SOX6: variants seen among roughly 807,000 people sequenced by gnomAD.
The protein encoded by SOX6 is SRY-box transcription factor 6.
Under a neutral mutation model 97.8 loss-of-function variants are expected in SOX6, and 11 were observed. That is an observed-to-expected ratio of 0.11 (90% CI 0.07 to 0.19). The LOEUF (loss-of-function observed/expected upper bound fraction) is 0.19. SOX6 is among the 10% of genes least tolerant of loss of function. The pLI is 1.00. For synonymous variants in SOX6, 360 were observed against 371.4 expected, an observed-to-expected ratio of 0.97 and a Z score of 0.35; for missense variants, 810 against 1,039.5, an observed-to-expected ratio of 0.78 and a Z score of 3.04.
chr11:16,410,984 G>GA (rs201866562), intron 1 of SOX6, among the ~76,000 whole-genome samples: 2,413 of 130,050 alleles, frequency 0.019, 53 homozygotes, highest in African/African-American at 0.06. Flanking sequence ...GTGAGTGACT[G>GA]AAAAAAAAAA....
intron 6 of SOX6, among the ~76,000 whole-genome samples, chr11:16,174,407 C>T (rs1851126714): frequency 6.6e-6 from 1 of 151,886 alleles, no homozygotes; most frequent in Non-Finnish European, 1.5e-5. Context: ...AATTCAGCTT[C>T]TTACAGGAGA....
intron 1 of SOX6, among the ~76,000 whole-genome samples, chr11:16,426,680 C>T (rs539721075): frequency 5.3e-5 from 8 of 151,756 alleles, no homozygotes; most frequent in East Asian, 1.9e-4. Flanking sequence ...TTTGGGAGGC[C>T]GAGGCGGGCG....
chr11:16,145,888 G>T (rs1850279422), intron 6 of SOX6, among the ~76,000 whole-genome samples: 1 of 152,140 alleles, frequency 6.6e-6, no homozygotes. Context: ...CACGCTCATG[G>T]GTAGGAAGAA....
intron 13 of SOX6, among the ~76,000 whole-genome samples, chr11:16,005,096 T>C (rs1854508314): frequency 6.6e-6 from 1 of 151,962 alleles, no homozygotes; most frequent in African/African-American, 2.4e-5. Flanking sequence ...TAGGAGGTGC[T>C]TAACTCATAT....
At chr11:16,327,406 T>G (rs1565093853) in intron 2 of SOX6, among the ~76,000 whole-genome samples, 1 of 152,080 alleles carries the variant, frequency 6.6e-6, no homozygotes, top group Non-Finnish European at 1.5e-5. Context: ...ACCTTTTAAG[T>G]TTTTATTCAT....
chr11:16,722,729 C>T (rs1848276867), intron 2 of SOX6, among the ~76,000 whole-genome samples: 1 of 151,926 alleles, frequency 6.6e-6, no homozygotes, highest in Non-Finnish European at 1.5e-5. Flanking sequence ...ATGGAAAAAA[C>T]CTCAATGTCA....
At chr11:16,123,478 T>C (rs1191674586) in intron 6 of SOX6, among the ~76,000 whole-genome samples, 1 of 151,926 alleles carries the variant, frequency 6.6e-6, no homozygotes, top group African/African-American at 2.4e-5. Context: ...GGCAGGGAGA[T>C]AAAGTAAGGC....
chr11:16,683,348 T>C (rs1440325899), intron 3 of SOX6, among the ~76,000 whole-genome samples: 6 of 152,074 alleles, frequency 3.9e-5, no homozygotes, highest in African/African-American at 1.4e-4. Flanking sequence ...TACAAGGCTA[T>C]AGTAACCAAA....
At chr11:16,076,464 T>C (rs1018899867) in intron 9 of SOX6, among the ~76,000 whole-genome samples, 2 of 151,284 alleles carry the variant, frequency 1.3e-5, no homozygotes, top group Admixed American at 6.6e-5. Flanking sequence ...TAGACACTTT[T>C]CAAAAGAAGA....
chr11:16,110,929 A>G (rs1400047787), intron 7 of SOX6, among the ~76,000 whole-genome samples: 1 of 152,232 alleles, frequency 6.6e-6, no homozygotes, highest in Non-Finnish European at 1.5e-5. Context: ...CTCAGATTTG[A>G]TGGTAAATAT....
chr11:16,433,010 T>C (rs1859299213), intron 1 of SOX6, among the ~76,000 whole-genome samples: 1 of 152,030 alleles, frequency 6.6e-6, no homozygotes. Context: ...GCTACATGAT[T>C]TCTGCTTTGG....
chr11:16,158,249 G>A (rs1850652741), intron 6 of SOX6, among the ~76,000 whole-genome samples: 1 of 151,734 alleles, frequency 6.6e-6, no homozygotes, highest in Non-Finnish European at 1.5e-5. Flanking sequence ...TCCCCCCTTA[G>A]TTCCTTCCAA....
At chr11:16,719,063 A>T (rs1848240102) in intron 2 of SOX6, among the ~76,000 whole-genome samples, 1 of 152,112 alleles carries the variant, frequency 6.6e-6, no homozygotes, top group African/African-American at 2.4e-5. Flanking sequence ...CAAGTACATA[A>T]TTTTAAAATG....
intron 6 of SOX6, among the ~76,000 whole-genome samples, chr11:16,132,454 AAG>A (rs1335969547): frequency 2.3e-5 from 3 of 129,384 alleles, no homozygotes; most frequent in African/African-American, 8.7e-5. Flanking sequence ...AAAAGAAAGA[AAG>A]AAAGAAAGAA....
rs554519710 is a variant in SOX6, at chr11:16,709,681, A to T, written n.429+5149T>A. Reference sequence around the variant, plus strand: ...CAACCTGCAGAACTGTGAGCCAATTAAACCTCTTTTCTTTATAAATTTCCC... The same window carrying T: ...CAACCTGCAGAACTGTGAGCCAATTTAACCTCTTTTCTTTATAAATTTCCC... On this transcript the variant is annotated intron_variant and non_coding_transcript_variant, in intron 3 of 5. Transcript: ENST00000524520. 5.9e-5 allele frequency among the ~76,000 whole-genome samples: 9 copies of T among 152,322 alleles called. No individual in the cohort carries two copies. The South Asian group carries it at 1.9e-3, about 32-fold the overall frequency.
At position 16,512,434 on chromosome 11, in the gene SOX6, A is replaced by T. The variant is rs1860894442; in HGVS notation, n.610-36046T>A. The stretch of plus-strand genomic sequence containing the variant: ...ATAAAAAGCAACTATGCTAAAATCC[A>T]TGTGGAACAGGAAATGAGGACAGCA... On this transcript the variant is annotated intron_variant and non_coding_transcript_variant, in intron 4 of 5. Transcript: ENST00000524520. 2.0e-5 allele frequency among the ~76,000 whole-genome samples: 3 copies of T among 152,346 alleles called. No homozygotes were observed. The South Asian group carries it at 6.2e-4, about 32-fold the overall frequency.
intron 14 of SOX6, among the ~76,000 whole-genome samples, chr11:15,988,467 T>G (rs539630180): frequency 5.0e-4 from 76 of 152,240 alleles, no homozygotes; most frequent in Non-Finnish European, 9.4e-4. Flanking sequence ...TTTACAAGTT[T>G]TAAAGTGATC....
intron 2 of SOX6, among the ~76,000 whole-genome samples, chr11:16,329,243 C>G (rs531471599): frequency 6.6e-6 from 1 of 152,008 alleles, no homozygotes; most frequent in East Asian, 1.9e-4. Flanking sequence ...AAATAACAAA[C>G]CCAAAAGTTT....
At chr11:16,673,305 C>A (rs1368924109) in intron 3 of SOX6, among the ~76,000 whole-genome samples, 2 of 151,698 alleles carry the variant, frequency 1.3e-5, no homozygotes, top group East Asian at 1.9e-4. Flanking sequence ...TACAAAAGAA[C>A]AATGAAACAA....
Sources: allele counts gnomAD v4.1 joint callset (sites outside exome capture counted in the v4.1 genomes callset), GRCh38; gene constraint gnomAD v4.1.1; transcripts MANE v1.5; gene names NCBI Gene and HGNC (gene_info 2026-07-23, HGNC 2026-07-21).